The following TYW1 variants were observed in gnomAD, a reference collection of about 807,000 sequenced individuals.
TYW1 encodes tRNA-yW synthesizing protein 1 homolog, also known as S-adenosyl-L-methionine-dependent tRNA 4-demethylwyosine synthase TYW1.
Under a neutral mutation model 96.2 loss-of-function variants are expected in TYW1, and 46 were observed. That is an observed-to-expected ratio of 0.48 (90% CI 0.38 to 0.61). TYW1 has a LOEUF of 0.61. Ranked by LOEUF, TYW1 falls within the 20% of genes least tolerant of loss-of-function variation. TYW1 has a pLI of 0.00. For synonymous variants in TYW1, 274 were observed against 323.0 expected, an observed-to-expected ratio of 0.85 and a Z score of 1.63; for missense variants, 684 against 909.6, an observed-to-expected ratio of 0.75 and a Z score of 3.19.
At chr7:67,039,656 TA>T (rs1387949961) in intron 7 of TYW1, among the ~76,000 whole-genome samples, 5 of 151,824 alleles carry the variant, frequency 3.3e-5, no homozygotes, top group African/African-American at 1.2e-4. Context: ...AGCATTTTAT[TA>T]TTTTTTTAAT....
At chr7:67,062,965 C>A (rs1232086572) in intron 9 of TYW1, among the ~76,000 whole-genome samples, 1 of 152,088 alleles carries the variant, frequency 6.6e-6, no homozygotes, top group African/African-American at 2.4e-5. Flanking sequence ...CCAATAGTAA[C>A]CCGATAAAAC....
intron 13 of TYW1, among the ~76,000 whole-genome samples, chr7:67,141,908 G>A (rs1040076101): frequency 7.2e-5 from 11 of 152,084 alleles, no homozygotes; most frequent in African/African-American, 2.4e-4. Context: ...GGTGGTAGGC[G>A]CCTGTAATCC....
At chr7:67,082,113 C>T (rs12698562) in intron 10 of TYW1, among the ~76,000 whole-genome samples, 42 of 151,768 alleles carry the variant, frequency 2.8e-4, no homozygotes, top group Admixed American at 2.0e-3. Context: ...TTACAGGCCT[C>T]GATTTTCCTT....
intron 13 of TYW1, among the ~76,000 whole-genome samples, chr7:67,142,427 T>C (rs1798478199): frequency 6.6e-6 from 1 of 151,776 alleles, no homozygotes; most frequent in Non-Finnish European, 1.5e-5. Flanking sequence ...TTGTTATTTA[T>C]TTTTTATAAT....
At chr7:67,162,438 T>G (rs1799190770) in intron 13 of TYW1, among the ~76,000 whole-genome samples, 1 of 152,178 alleles carries the variant, frequency 6.6e-6, no homozygotes, top group South Asian at 2.1e-4. Flanking sequence ...ACTTGTAGAT[T>G]GGTACAAGTA....
intron 13 of TYW1, among the ~76,000 whole-genome samples, chr7:67,129,900 T>G (rs1486780556): frequency 6.6e-5 from 10 of 152,232 alleles, no homozygotes; most frequent in Admixed American, 6.5e-4. Flanking sequence ...GGATATAACT[T>G]AGCATTCATT....
At chr7:67,005,655 A>G (rs138741711) in intron 3 of TYW1, among the ~76,000 whole-genome samples, 3,279 of 152,328 alleles carry the variant, frequency 0.022, 56 homozygotes, top group Non-Finnish European at 0.033. Context: ...AAAATGGACT[A>G]AGACAGTGTT....
intron 12 of TYW1, among the ~76,000 whole-genome samples, chr7:67,109,514 G>A (rs1187357014): frequency 6.6e-6 from 1 of 152,128 alleles, no homozygotes; most frequent in Non-Finnish European, 1.5e-5. Flanking sequence ...AAAAATGGTT[G>A]CATCTCAGTA....
chr7:67,159,012 C>CTG (rs1287696380), intron 13 of TYW1, among the ~76,000 whole-genome samples: 1 of 152,074 alleles, frequency 6.6e-6, no homozygotes, highest in Non-Finnish European at 1.5e-5. Flanking sequence ...TTTCTCTTAC[C>CTG]TATTTTATTG....
intron 3 of TYW1, 51 bp downstream of exon 3, chr7:66,999,005 A>T: frequency 1.2e-6 from 2 of 1,602,914 alleles, no homozygotes; most frequent in Non-Finnish European, 1.7e-6. Context: ...ATTTTAAGAA[A>T]ATCCCTTTAG....
At chr7:67,135,881 G>C (rs962829495) in intron 13 of TYW1, among the ~76,000 whole-genome samples, 4 of 152,170 alleles carry the variant, frequency 2.6e-5, no homozygotes, top group African/African-American at 7.2e-5. Context: ...GTCCTGCAGA[G>C]AACATTCTTA....
intron 15 of TYW1, among the ~76,000 whole-genome samples, chr7:67,220,201 A>ATTTTTTTTTTTTTT (rs57595328): frequency 7.5e-5 from 7 of 93,170 alleles, no homozygotes; most frequent in Non-Finnish European, 9.9e-5. Flanking sequence ...TCATTTATTG[A>ATTTTTTTTTTTTTT]TTTTTTTTTT....
chr7:67,039,649 A>AT (rs1794951276), intron 7 of TYW1, among the ~76,000 whole-genome samples: 1 of 151,280 alleles, frequency 6.6e-6, no homozygotes, highest in Non-Finnish European at 1.5e-5. Context: ...TGAAATGAGC[A>AT]TTTTATTATT....
chr7:67,098,883 A>G (rs1207712667), intron 12 of TYW1, among the ~76,000 whole-genome samples, 165 bp downstream of exon 12: 1 of 152,168 alleles, frequency 6.6e-6, no homozygotes, highest in Non-Finnish European at 1.5e-5. Context: ...AATCTGTTCT[A>G]TTAGGCACAA....
At position 67,152,103 on chromosome 7, in the gene TYW1, G is replaced by A. The variant is rs1348148502; in HGVS notation, c.1699-31023G>A. On this transcript the variant is annotated intron_variant, in intron 13 of 15. Transcript: ENST00000359626. ...TGGGATTGTAGGCATGAGCTGCCACGCCTGGTCACCATGATTCTTGTTTAC... is the reference window on the plus strand; with the variant it reads ...TGGGATTGTAGGCATGAGCTGCCACACCTGGTCACCATGATTCTTGTTTAC... Among the ~76,000 whole-genome samples, 4 of 152,044 alleles carry A rather than the reference G, an allele frequency of 2.6e-5. No individual in the cohort carries two copies. The East Asian group carries it at 7.7e-4, about 29-fold the overall frequency.
chr7:67,024,750 C>G, intron 6 of TYW1, 150 bp from the exon 7 acceptor site: 1 of 1,298,534 alleles, frequency 7.7e-7, no homozygotes, highest in Non-Finnish European at 1.0e-6. Flanking sequence ...CACTGTGCTC[C>G]AGCCTGGGCG....
chr7:67,179,155 A>G (rs1287710101), intron 13 of TYW1, among the ~76,000 whole-genome samples: 3 of 136,322 alleles, frequency 2.2e-5, no homozygotes, highest in Admixed American at 1.5e-4. Flanking sequence ...ACATATTTAC[A>G]TGCAAATTAA....
intron 9 of TYW1, among the ~76,000 whole-genome samples, chr7:67,063,732 T>C (rs1361048631): frequency 6.6e-6 from 1 of 152,092 alleles, no homozygotes. Flanking sequence ...GCCTCCCTAG[T>C]AGCTGGGACT....
intron 13 of TYW1, among the ~76,000 whole-genome samples, chr7:67,161,459 G>A (rs1321070870): frequency 6.6e-6 from 1 of 152,100 alleles, no homozygotes; most frequent in Non-Finnish European, 1.5e-5. Flanking sequence ...AGATTACCAC[G>A]TATCTTTTGG....
Sources: allele counts gnomAD v4.1 joint callset (sites outside exome capture counted in the v4.1 genomes callset), GRCh38; gene constraint gnomAD v4.1.1; transcripts MANE v1.5; gene names NCBI Gene and HGNC (gene_info 2026-07-23, HGNC 2026-07-21).